Variants in IRX3 observed in about 807,000 individuals in gnomAD.
IRX3 encodes the protein iroquois homeobox 3.
Under a neutral mutation model 36.4 loss-of-function variants are expected in IRX3, and 20 were observed. The ratio of observed to expected loss-of-function variants is 0.55; its 90% CI spans 0.39 to 0.80. IRX3 has a LOEUF of 0.80. Among genes scored for constraint, IRX3 ranks in the 30% least tolerant of loss-of-function variants. IRX3 has a pLI of 0.00. For synonymous variants in IRX3, 404 were observed against 351.6 expected (o/e 1.15, Z -1.67); for missense variants, 718 against 733.2 (o/e 0.98, Z 0.24).
rs770669069 is a variant in IRX3 at position 54,284,699 on chromosome 16, A to AGCGGCG, written c.1176_1181dup (p.Ala393_Ala394dup). Reference sequence around the variant, plus strand: ...CCAGCGGCGCTGAGACCAGTCTGTGAGCGGCGGCGGCGGCGGCGGCCGGAG... The same window carrying AGCGGCG: ...CCAGCGGCGCTGAGACCAGTCTGTGAGCGGCGGCGGCGGCGGCGGCGGCGGCCGGAG... On this transcript the variant is annotated inframe_insertion, in exon 2 of 4. Transcript: ENST00000329734. This position sits in a 1 kb window ranked among gnomAD's most constrained non-coding sequence, Gnocchi z 4.0. The AGCGGCG allele has an allele frequency of 3.1e-5, 44 of 1,423,052 alleles. No homozygotes were observed. The highest frequency in any genetic ancestry group is 2.3e-4 in the Middle Eastern group (1 of 4,370). The allele number at this position is 1,423,052 out of a possible 1,614,324, so 88.2% of individuals were successfully genotyped here. A position where few individuals can be genotyped will look rare whatever the true frequency, so the allele number is the denominator to read the frequency against.
At position 54,284,758 on chromosome 16, in the gene IRX3, C is replaced by A. The variant is rs1459931374; in HGVS notation, c.1123G>T (p.Gly375Trp). 6.8e-7 allele frequency: 1 copy of A among 1,460,758 alleles called. No individual in the cohort carries two copies. Among genetic ancestry groups the A allele is most frequent in the Non-Finnish European group, 8.9e-7 (1 of 1,119,340 alleles). 90.5% of individuals were successfully genotyped at this position (1,460,758 alleles called of 1,614,324 possible). Residue 375 changes from glycine to tryptophan, a missense_variant, in exon 2 of 4, where the codon GGG becomes TGG. Around this residue, in one of 3 missense-constraint regions of IRX3, gnomAD observed 468 missense variants for 462.1 expected, o/e 1.01. Coordinates refer to ENST00000329734, the MANE Select transcript of IRX3 (RefSeq NM_024336.3). This position sits in a 1 kb window ranked among gnomAD's most constrained non-coding sequence, Gnocchi z 4.0. ...AGGGCGGAAGGCGCGACCGCTGCCC[C>A]CGGTGGAGACCCCCCCGCGCCGGGA... ...SPPGAGGSPPGAAVAPSALQL... is the reference protein window; with the variant it reads ...SPPGAGGSPPWAAVAPSALQL...
At position 54,284,207 on chromosome 16, in the gene IRX3, A is replaced by C. The variant is rs200241437; in HGVS notation, c.1451+39T>G. ...CTCGGCGTCCTCTCCTTTCCCCGCC[A>C]GCCAGTCCCCCTGGCCCCTCAACCT... is the stretch of plus-strand genomic sequence containing the variant. On this transcript the variant is annotated intron_variant, in intron 3 of 3. Coordinates refer to ENST00000329734, the MANE Select transcript of IRX3 (RefSeq NM_024336.3). This position sits in a 1 kb window ranked among gnomAD's most constrained non-coding sequence, Gnocchi z 4.0. 37 of 1,580,682 alleles carry C rather than the reference A, an allele frequency of 2.3e-5. No homozygotes were observed. The African/African-American group carries it at 4.6e-4, about 20-fold the overall frequency.
In IRX3 at chr16:54,285,185, C is replaced by A; in HGVS notation, c.696G>T (p.Glu232Asp). 1 of 1,598,860 alleles carries A rather than the reference C, an allele frequency of 6.3e-7. No individual in the cohort carries two copies. Among genetic ancestry groups the A allele is most frequent in the South Asian group, 1.1e-5 (1 of 89,758 alleles). Residue 232 changes from glutamate (E) to aspartate (D), a missense_variant, in exon 2 of 4, where the codon GAG (glutamate) becomes GAT (aspartate). Glu to Asp is a conservative substitution (Grantham distance 45). Coordinates refer to ENST00000329734, the MANE Select transcript of IRX3 (RefSeq NM_024336.3). This position sits in a 1 kb window ranked among gnomAD's most constrained non-coding sequence, Gnocchi z 5.7. ...GKRELELEEE[E>D]LGGEEEDTGG... ...CCGTGTCCTCCTCCTCCCCCCCGAG[C>A]TCCTCCTCCTCCAGCTCTAGCTCGC...
At position 54,284,534 on chromosome 16, in the gene IRX3, G is replaced by T; in HGVS notation, c.1347C>A (p.Ala449=). ...CGGGCTCCGCTGGCCGAGCGAAGGC[G>T]GCGGCGGCAGCCGGGTGGCCCGCGG... ...PGAAGHPAAA[A]AFARPAEPEG... The change falls in exon 2 of 4, where the codon GCC becomes GCA. Residue 449 remains alanine, a synonymous_variant. Coordinates refer to ENST00000329734, the MANE Select transcript of IRX3 (RefSeq NM_024336.3). This position sits in a 1 kb window ranked among gnomAD's most constrained non-coding sequence, Gnocchi z 4.0. 7.1e-7 allele frequency: 1 copy of T among 1,417,818 alleles called. No homozygotes were observed. The highest frequency in any genetic ancestry group is 3.1e-5 in the Admixed American group (1 of 31,974). 87.8% of individuals were successfully genotyped at this position (1,417,818 alleles called of 1,614,324 possible). A position where few individuals can be genotyped will look rare whatever the true frequency, so the allele number is the denominator to read the frequency against.
Position 54,284,754 on chromosome 16 carries a change from GC to G in IRX3, c.1126del (p.Ala376GlnfsTer147). On this transcript the variant is annotated frameshift_variant, in exon 2 of 4. Transcript: ENST00000329734. LOFTEE classifies it high-confidence loss of function. The surrounding 1 kb of genome is among the most constrained non-coding windows in gnomAD (Gnocchi z 4.0). ...PPGAGGSPPG[A>X]AVAPSALQLS... ...CTGCAGGGCGGAAGGCGCGACCGCT[GC>G]CCCCGGTGGAGACCCCCCCGCGCCG... 6.9e-7 allele frequency: 1 copy of G among 1,455,636 alleles called. No homozygotes were observed. The highest frequency in any genetic ancestry group is 9.0e-7 in the Non-Finnish European group (1 of 1,116,948). The allele number at this position is 1,455,636 out of a possible 1,614,324, so 90.2% of individuals were successfully genotyped here.
At position 54,284,221 on chromosome 16, in the gene IRX3, G is replaced by A. The variant is rs909386029; in HGVS notation, c.1451+25C>T. The A allele has an allele frequency of 1.2e-6, 2 of 1,601,594 alleles. No homozygotes were observed. The highest frequency in any genetic ancestry group is 1.7e-6 in the Non-Finnish European group (2 of 1,171,024). ...CTTTCCCCGCCAGCCAGTCCCCCTGGCCCCTCAACCTCGGGGTTTCTTACC... is the reference window on the plus strand; with the variant it reads ...CTTTCCCCGCCAGCCAGTCCCCCTGACCCCTCAACCTCGGGGTTTCTTACC... On this transcript the variant is annotated intron_variant, in intron 3 of 3. Transcript: ENST00000329734. This position sits in a 1 kb window ranked among gnomAD's most constrained non-coding sequence, Gnocchi z 4.0.
chr16:54,286,377 C>T lies in IRX3; in HGVS notation c.-327G>A, dbSNP rs1901343312. ...TCTCGGCCGCCGGAGCTGCCTCTGC[C>T]CGCTCCTCGCTCCTCACTGCCCTCC... On this transcript the variant is annotated 5_prime_UTR_variant, in exon 1 of 4. Coordinates refer to ENST00000329734, the MANE Select transcript of IRX3 (RefSeq NM_024336.3). 6 of 987,044 alleles carry T rather than the reference C, an allele frequency of 6.1e-6. No individual in the cohort carries two copies. The South Asian group carries it at 2.8e-4, about 46-fold the overall frequency. 61.1% of individuals were successfully genotyped at this position (987,044 alleles called of 1,614,324 possible).
chr16:54,286,012 C>G lies in IRX3; in HGVS notation c.39G>C (p.Pro13=). Residue 13 remains proline (P), a synonymous_variant, in exon 1 of 4, where the codon CCG becomes CCC. Coordinates refer to ENST00000329734, the MANE Select transcript of IRX3 (RefSeq NM_024336.3). The part of the protein sequence containing the change: ...FPQLGYQYIR[P]LYPSERPGAA... ...CCCCCGGGCGCTCGGACGGGTAAAGCGGGCGGATGTATTGGTATCCCAGCT... is the reference window on the plus strand; with the variant it reads ...CCCCCGGGCGCTCGGACGGGTAAAGGGGGCGGATGTATTGGTATCCCAGCT... The G allele has an allele frequency of 7.4e-7, 1 of 1,344,228 alleles. No homozygotes were observed. Among genetic ancestry groups the G allele is most frequent in the Non-Finnish European group, 9.5e-7 (1 of 1,051,102 alleles). The allele number at this position is 1,344,228 out of a possible 1,614,324, so 83.3% of individuals were successfully genotyped here. A position where few individuals can be genotyped will look rare whatever the true frequency, so the allele number is the denominator to read the frequency against.
rs1228759526 is a variant in IRX3, at chr16:54,285,922, C to A, written c.129G>T (p.Leu43=). The A allele has an allele frequency of 6.7e-7, 1 of 1,502,526 alleles. No homozygotes were observed. The allele number at this position is 1,502,526 out of a possible 1,614,324, so 93.1% of individuals were successfully genotyped here. The change falls in exon 1 of 4, where the codon CTG becomes CTT. Residue 43 remains leucine, a synonymous_variant. Transcript: ENST00000329734. The surrounding 1 kb of genome is among the most constrained non-coding windows in gnomAD (Gnocchi z 5.7). The part of the protein sequence containing the change: ...RGGLGAGASE[L]NASGSLSNVL... ...CGTTGGACAGGGACCCCGAGGCGTT[C>A]AGCTCCGAGGCTCCGGCACCCAGGC...
chr16:54,284,533 C>T lies in IRX3; in HGVS notation c.1348G>A (p.Ala450Thr). The change falls in exon 2 of 4, where the codon GCC (alanine) becomes ACC (threonine). Residue 450 changes from alanine (A) to threonine (T), a missense_variant. Ala to Thr is a moderately conservative substitution (Grantham distance 58). Transcript: ENST00000329734. The surrounding 1 kb of genome is among the most constrained non-coding windows in gnomAD (Gnocchi z 4.0). ...GAAGHPAAAA[A>T]FARPAEPEGG... ...TCGGGCTCCGCTGGCCGAGCGAAGG[C>T]GGCGGCGGCAGCCGGGTGGCCCGCG... 7.1e-7 allele frequency: 1 copy of T among 1,415,930 alleles called. No individual in the cohort carries two copies. The highest frequency in any genetic ancestry group is 9.1e-7 in the Non-Finnish European group (1 of 1,095,162). The allele number at this position is 1,415,930 out of a possible 1,614,324, so 87.7% of individuals were successfully genotyped here.
At position 54,285,102 on chromosome 16, in the gene IRX3, T is replaced by G. The variant is rs200900756; in HGVS notation, c.779A>C (p.Asp260Ala). 1 of 1,613,278 alleles carries G rather than the reference T, an allele frequency of 6.2e-7. No individual in the cohort carries two copies. The highest frequency in any genetic ancestry group is 2.2e-5 in the East Asian group (1 of 44,764). ...EDEEIDLENL[D>A]GAATEPELSL... ...CAGCTCAGGCTCGGTGGCCGCGCCG[T>G]CTAAGTTCTCCAAATCGATCTCCTC... Residue 260 changes from aspartate to alanine, a missense_variant, in exon 2 of 4, where the codon GAC becomes GCC. This residue lies in a region of IRX3 where 468 missense variants were observed against 462.1 expected (regional missense o/e 1.01). Transcript: ENST00000329734. The surrounding 1 kb of genome is among the most constrained non-coding windows in gnomAD (Gnocchi z 5.7).
chr16:54,285,997 C>T lies in IRX3; in HGVS notation c.54G>A (p.Glu18=), dbSNP rs1901328685. ...CGCTGCCGCCAGCGGCCCCCGGGCG[C>T]TCGGACGGGTAAAGCGGGCGGATGT... ...YQYIRPLYPS[E]RPGAAGGSGG... is the part of the protein sequence containing the mutation. The change falls in exon 1 of 4, where the codon GAG becomes GAA. Residue 18 remains glutamate (E), a synonymous_variant. Coordinates refer to ENST00000329734, the MANE Select transcript of IRX3 (RefSeq NM_024336.3). This position sits in a 1 kb window ranked among gnomAD's most constrained non-coding sequence, Gnocchi z 5.7. 1 of 1,355,072 alleles carries T rather than the reference C, an allele frequency of 7.4e-7. No individual in the cohort carries two copies. Among genetic ancestry groups the T allele is most frequent in the African/African-American group, 1.5e-5 (1 of 64,668 alleles). The allele number at this position is 1,355,072 out of a possible 1,614,324, so 83.9% of individuals were successfully genotyped here. A position where few individuals can be genotyped will look rare whatever the true frequency, so the allele number is the denominator to read the frequency against.
Position 54,285,665 on chromosome 16 carries a change from C to T in IRX3, c.268-52G>A, listed in dbSNP as rs772103687. On this transcript the variant is annotated intron_variant, in intron 1 of 3. Coordinates refer to ENST00000329734, the MANE Select transcript of IRX3 (RefSeq NM_024336.3). This position sits in a 1 kb window ranked among gnomAD's most constrained non-coding sequence, Gnocchi z 5.7. The stretch of plus-strand genomic sequence containing the variant: ...CACGCGCGGAGGGAGCGCGAGTGAG[C>T]CCCAGCCATCGCTGCCTCCCCCCTC... The T allele has an allele frequency of 2.0e-6, 3 of 1,463,524 alleles. No individual in the cohort carries two copies. Among genetic ancestry groups the T allele is most frequent in the Non-Finnish European group, 2.7e-6 (3 of 1,111,308 alleles). 90.7% of individuals were successfully genotyped at this position (1,463,524 alleles called of 1,614,324 possible).
rs760174244 is a variant in IRX3, at chr16:54,285,633, G to A, written c.268-20C>T. 24 of 1,492,212 alleles carry A rather than the reference G, an allele frequency of 1.6e-5. No individual in the cohort carries two copies. Among genetic ancestry groups the A allele is most frequent in the Admixed American group, 4.5e-5 (2 of 44,052 alleles). 92.4% of individuals were successfully genotyped at this position (1,492,212 alleles called of 1,614,324 possible). A position where few individuals can be genotyped will look rare whatever the true frequency, so the allele number is the denominator to read the frequency against. On this transcript the variant is annotated intron_variant, in intron 1 of 3. Coordinates refer to ENST00000329734, the MANE Select transcript of IRX3 (RefSeq NM_024336.3). The surrounding 1 kb of genome is among the most constrained non-coding windows in gnomAD (Gnocchi z 5.7). ...CGCGCCCTGTACGCACATGGAGAAG[G>A]AAGGGACACGCGCGGAGGGAGCGCG... is the stretch of plus-strand genomic sequence containing the variant.
rs2278810 is a variant in IRX3, at chr16:54,283,347, G to T, written c.*339C>A. 3 of 169,078 alleles carry T rather than the reference G, an allele frequency of 1.8e-5. No homozygotes were observed. In the East Asian group the frequency reaches 4.6e-4, roughly 26 times the overall value. 10.5% of individuals were successfully genotyped at this position (169,078 alleles called of 1,614,324 possible). On this transcript the variant is annotated 3_prime_UTR_variant, in exon 4 of 4. Transcript: ENST00000329734. The surrounding 1 kb of genome is among the most constrained non-coding windows in gnomAD (Gnocchi z 4.4). Reference sequence around the variant, plus strand: ...CAGCTCATTTATTTAGCCAAAAATAGATACTTTCTCGTACAATTTGGTTCA... The same window carrying T: ...CAGCTCATTTATTTAGCCAAAAATATATACTTTCTCGTACAATTTGGTTCA...
chr16:54,285,035 C>T lies in IRX3; in HGVS notation c.846G>A (p.Leu282=), dbSNP rs768893938. 6.2e-7 allele frequency: 1 copy of T among 1,613,940 alleles called. No individual in the cohort carries two copies. The highest frequency in any genetic ancestry group is 8.5e-7 in the Non-Finnish European group (1 of 1,180,006). ...TATTTTTGGAGTCCGAAATGGGTCC[C>T]AGGCCTAGGTCGCCATCCCTGCGCG... ...GAARRDGDLG[L]GPISDSKNSD... is the part of the protein sequence containing the mutation. Residue 282 remains leucine, a synonymous_variant, in exon 2 of 4, where the codon CTG becomes CTA. Coordinates refer to ENST00000329734, the MANE Select transcript of IRX3 (RefSeq NM_024336.3). The surrounding 1 kb of genome is among the most constrained non-coding windows in gnomAD (Gnocchi z 5.7).
At position 54,285,688 on chromosome 16, in the gene IRX3, C is replaced by G; in HGVS notation, c.268-75G>C. ...AGCCCCAGCCATCGCTGCCTCCCCCCTCCTGGCCTGCACCCCTCTAGTCCG... is the reference window on the plus strand; with the variant it reads ...AGCCCCAGCCATCGCTGCCTCCCCCGTCCTGGCCTGCACCCCTCTAGTCCG... On this transcript the variant is annotated intron_variant, in intron 1 of 3. Transcript: ENST00000329734. The surrounding 1 kb of genome is among the most constrained non-coding windows in gnomAD (Gnocchi z 5.7). 1 of 1,462,946 alleles carries G rather than the reference C, an allele frequency of 6.8e-7. No homozygotes were observed. The highest frequency in any genetic ancestry group is 9.0e-7 in the Non-Finnish European group (1 of 1,112,530). 90.6% of individuals were successfully genotyped at this position (1,462,946 alleles called of 1,614,324 possible).
rs1428643339 is a variant in IRX3 at position 54,283,727 on chromosome 16, G to T, written c.1465C>A (p.Leu489Met). ...GCCGATAAGACCAGGGCGGCGTCCA[G>T]ATGGTTCTGGGGCCTGGAAGAGAGA... The part of the protein sequence containing the change: ...QPVPRRPQNH[L>M]DAALVLSALS... The change falls in exon 4 of 4, where the codon CTG (leucine) becomes ATG (methionine). Residue 489 changes from leucine (L) to methionine (M), a missense_variant. This residue lies in a region of IRX3 where 468 missense variants were observed against 462.1 expected (regional missense o/e 1.01). Coordinates refer to ENST00000329734, the MANE Select transcript of IRX3 (RefSeq NM_024336.3). The surrounding 1 kb of genome is among the most constrained non-coding windows in gnomAD (Gnocchi z 4.4). 4.5e-6 allele frequency: 7 copies of T among 1,567,618 alleles called. No homozygotes were observed. Among genetic ancestry groups the T allele is most frequent in the Non-Finnish European group, 6.2e-6 (7 of 1,137,916 alleles).
rs755013450 is a variant in IRX3 at position 54,283,662 on chromosome 16, TG to T, written c.*23del. On this transcript the variant is annotated 3_prime_UTR_variant, in exon 4 of 4. Transcript: ENST00000329734. This position sits in a 1 kb window ranked among gnomAD's most constrained non-coding sequence, Gnocchi z 4.4. ...TACAACGATTAAAAAAAGTTTTTTTTGTTTTTTTGTTTTTTTTAAAGAACTA... is the reference window on the plus strand; with the variant it reads ...TACAACGATTAAAAAAAGTTTTTTTTTTTTTTTGTTTTTTTTAAAGAACTA... 123 of 1,138,710 alleles carry T rather than the reference TG, an allele frequency of 1.1e-4. No homozygotes were observed. The highest frequency in any genetic ancestry group is 1.6e-4 in the Admixed American group (8 of 50,758). The allele number at this position is 1,138,710 out of a possible 1,614,324, so 70.5% of individuals were successfully genotyped here.
Sources: gnomAD v4.1 joint callset for allele counts on GRCh38, gnomAD v4.1.1 for gene constraint, gnomAD v4.1.1 regional missense constraint, Gnocchi (gnomAD v3.1) non-coding constraint, MANE v1.5 for transcripts, NCBI Gene and HGNC (gene_info 2026-07-23, HGNC 2026-07-21) for gene names.